The following TCEA1 variants were observed in gnomAD, a reference collection of about 807,000 sequenced individuals.
TCEA1 encodes the protein transcription elongation factor A1.
In TCEA1, 21 loss-of-function variants were observed where a neutral mutation model predicts 43.8. The ratio of observed to expected loss-of-function variants is 0.48; its 90% CI spans 0.34 to 0.69. The LOEUF (loss-of-function observed/expected upper bound fraction) is 0.69, where lower values mean the gene tolerates loss of function less well. TCEA1 is among the 30% of genes least tolerant of loss of function. TCEA1 has a pLI of 0.01. For missense variants in TCEA1, 250 were observed against 365.1 expected (o/e 0.68, Z 2.57); for synonymous variants, 104 against 117.5 (o/e 0.88, Z 0.75).
intron 7 of TCEA1, 133 bp from the exon 8 acceptor site, chr8:53,979,304 T>A: frequency 9.7e-7 from 1 of 1,030,118 alleles, no homozygotes; most frequent in Non-Finnish European, 1.3e-6. Context: ...ATTAAATTAA[T>A]ATTTTTCCTC....
intron 6 of TCEA1, 149 bp from the exon 7 acceptor site, chr8:53,984,666 G>A (rs954806768): frequency 1.3e-5 from 7 of 549,602 alleles, no homozygotes; most frequent in African/African-American, 3.9e-5. Flanking sequence ...GGTGGATCAC[G>A]AGGTCAGGAG....
intron 2 of TCEA1, 129 bp from the exon 3 acceptor site, chr8:54,000,179 C>T: frequency 1.7e-6 from 1 of 597,434 alleles, no homozygotes; most frequent in Non-Finnish European, 2.9e-6. Flanking sequence ...ATTTTTGGAT[C>T]CTTATAATAG....
chr8:53,994,323 C>A (rs973230953), intron 3 of TCEA1, among the ~76,000 whole-genome samples: 1 of 151,936 alleles, frequency 6.6e-6, no homozygotes, highest in African/African-American at 2.4e-5. Context: ...CCAGCCCAGG[C>A]AATAGAGCCA....
rs774187851 is a variant in TCEA1, at chr8:54,018,267, GAAAT to G, written c.63+3792_63+3795del. Among the ~76,000 whole-genome samples the G allele has an allele frequency of 4.6e-5, 7 of 152,066 alleles. No individual in the cohort carries two copies. The East Asian group carries it at 5.8e-4, about 13-fold the overall frequency. Reference sequence around the variant, plus strand: ...TTCCACTCAACCTTGAGCCTTCAATGAAATAAATAAATAAACCTCAGCACTACCC... The same window carrying G: ...TTCCACTCAACCTTGAGCCTTCAATGAAATAAATAAACCTCAGCACTACCC... On this transcript the variant is annotated intron_variant, in intron 1 of 9. Transcript: ENST00000521604.
Position 53,978,083 on chromosome 8 carries a change from T to C in TCEA1, c.825+942A>G, listed in dbSNP as rs1803387029. On this transcript the variant is annotated intron_variant, in intron 8 of 9. Transcript: ENST00000521604. ...AAGTATAAATATATCAACTTGGTTT[T>C]AGTTAACTAGAATCAGTATTAAGAA... Among the ~76,000 whole-genome samples the C allele has an allele frequency of 2.0e-5, 3 of 152,176 alleles. No individual in the cohort carries two copies. The South Asian group carries it at 6.2e-4, about 32-fold the overall frequency.
Position 53,974,934 on chromosome 8 carries a change from T to A in TCEA1, c.825+4091A>T, listed in dbSNP as rs1226533979. ...GGATAATTTGAAATATATATATATA[T>A]AATACATTAATTTCTCTGGGAGCAG... On this transcript the variant is annotated intron_variant, in intron 8 of 9. Transcript: ENST00000521604. 3.9e-5 allele frequency among the ~76,000 whole-genome samples: 6 copies of A among 151,992 alleles called. No individual in the cohort carries two copies. In the South Asian group the frequency reaches 6.2e-4, roughly 16 times the overall value.
chr8:54,003,593 G>C (rs1327222622), intron 2 of TCEA1, among the ~76,000 whole-genome samples: 2 of 152,056 alleles, frequency 1.3e-5, no homozygotes, highest in Non-Finnish European at 2.9e-5. Flanking sequence ...ATTCATTGGA[G>C]AAAAGAATAT....
At chr8:53,998,511 C>T (rs373704307) in intron 3 of TCEA1, among the ~76,000 whole-genome samples, 10 of 150,890 alleles carry the variant, frequency 6.6e-5, no homozygotes, top group Non-Finnish European at 8.8e-5. Flanking sequence ...AGGATATATA[C>T]ACACACACAC....
chr8:54,007,782 T>C (rs755956913), intron 2 of TCEA1, among the ~76,000 whole-genome samples: 2 of 152,166 alleles, frequency 1.3e-5, no homozygotes, highest in Non-Finnish European at 2.9e-5. Flanking sequence ...AAAGCACTTG[T>C]GGATAATAAA....
intron 7 of TCEA1, 126 bp from the exon 8 acceptor site, chr8:53,979,297 AAATT>A (rs1803434728): frequency 1.9e-6 from 2 of 1,079,490 alleles, no homozygotes; most frequent in East Asian, 2.5e-5. Context: ...TAAAAGCATT[AAATT>A]AATATTTTTC....
chr8:54,005,495 C>A (rs1414117705), intron 2 of TCEA1, among the ~76,000 whole-genome samples: 1 of 152,034 alleles, frequency 6.6e-6, no homozygotes, highest in Non-Finnish European at 1.5e-5. Flanking sequence ...TATCTCTTCA[C>A]CCCTCCATTT....
At chr8:53,994,006 T>C (rs1197860587) in intron 3 of TCEA1, among the ~76,000 whole-genome samples, 7 of 152,300 alleles carry the variant, frequency 4.6e-5, no homozygotes, top group African/African-American at 1.7e-4. Context: ...GAGGAAAGTA[T>C]ATGGAACAAA....
chr8:54,018,527 C>T (rs985156077), intron 1 of TCEA1, among the ~76,000 whole-genome samples: 2 of 152,128 alleles, frequency 1.3e-5, no homozygotes, highest in African/African-American at 4.8e-5. Flanking sequence ...AAGAACTTGC[C>T]TAAAATCACA....
chr8:53,988,466 C>CTT, intron 4 of TCEA1, among the ~76,000 whole-genome samples: 1 of 151,694 alleles, frequency 6.6e-6, no homozygotes, highest in Non-Finnish European at 1.5e-5. Context: ...ACAAGTATGC[C>CTT]TTTTTTTTGA....
intron 4 of TCEA1, 112 bp from the exon 5 acceptor site, chr8:53,988,371 A>C (rs1210143601): frequency 1.6e-5 from 21 of 1,307,262 alleles, no homozygotes; most frequent in Non-Finnish European, 2.1e-5. Flanking sequence ...ATGACACAGT[A>C]TCTCAGTGAC....
At chr8:53,972,127 C>T (rs942167876) in intron 8 of TCEA1, 4 of 289,744 alleles carry the variant, frequency 1.4e-5, no homozygotes, top group African/African-American at 4.6e-5. Flanking sequence ...CCATCCATAA[C>T]GGCAAGTGGC....
At chr8:53,972,899 G>A (rs775348233) in intron 8 of TCEA1, 13 of 685,084 alleles carry the variant, frequency 1.9e-5, no homozygotes, top group Middle Eastern at 8.4e-4. Flanking sequence ...ATGATGAGCC[G>A]AAGGACGTAG....
At chr8:53,976,528 CTT>C (rs1457542653) in intron 8 of TCEA1, among the ~76,000 whole-genome samples, 18 of 152,262 alleles carry the variant, frequency 1.2e-4, no homozygotes, top group Admixed American at 4.6e-4. Context: ...GAAGCGAACA[CTT>C]TGTGATTCTA....
At chr8:53,975,260 G>A (rs1331493485) in intron 8 of TCEA1, among the ~76,000 whole-genome samples, 1 of 152,072 alleles carries the variant, frequency 6.6e-6, no homozygotes, top group East Asian at 1.9e-4. Context: ...ACTAAATATT[G>A]CAAACAACAA....
Sources: allele counts gnomAD v4.1 joint callset (sites outside exome capture counted in the v4.1 genomes callset), GRCh38; gene constraint gnomAD v4.1.1; transcripts MANE v1.5; gene names NCBI Gene and HGNC (gene_info 2026-07-23, HGNC 2026-07-21).